The following MED13 variants were observed in gnomAD, a reference collection of about 807,000 sequenced individuals.
The protein encoded by MED13 is mediator of RNA polymerase II transcription subunit 13.
A neutral mutation model predicts 225.2 loss-of-function variants in MED13; 23 were observed. The observed-to-expected ratio is 0.10, with a 90% CI of 0.07 to 0.14. The LOEUF (loss-of-function observed/expected upper bound fraction) is 0.14. Ranked by LOEUF, MED13 falls within the 10% of genes least tolerant of loss-of-function variation. MED13 has a pLI of 1.00. For synonymous variants in MED13, 942 were observed against 889.2 expected, an observed-to-expected ratio of 1.06 and a Z score of -1.06; for missense variants, 2,197 against 2,594.5, an observed-to-expected ratio of 0.85 and a Z score of 3.33.
chr17:61,964,532 T>G (rs1477182712), intron 20 of MED13, among the ~76,000 whole-genome samples: 1 of 151,958 alleles, frequency 6.6e-6, no homozygotes, highest in African/African-American at 2.4e-5. Flanking sequence ...GCCACTATAC[T>G]CCAGCCTGGG....
At chr17:62,018,629 G>C (rs943288760) in intron 8 of MED13, among the ~76,000 whole-genome samples, 1 of 151,732 alleles carries the variant, frequency 6.6e-6, no homozygotes, top group Non-Finnish European at 1.5e-5. Flanking sequence ...CACGAAAATC[G>C]CTCGAGCCAG....
intron 9 of MED13, among the ~76,000 whole-genome samples, chr17:61,996,373 G>A (rs2080346942): frequency 1.3e-5 from 2 of 152,168 alleles, no homozygotes; most frequent in African/African-American, 4.8e-5. Flanking sequence ...TAGCAGCCAA[G>A]CTTGCAGTCA....
chr17:61,970,108 T>TA (rs1164046989), intron 17 of MED13, among the ~76,000 whole-genome samples: 11 of 152,214 alleles, frequency 7.2e-5, no homozygotes, highest in African/African-American at 2.7e-4. Context: ...TCTTTGCATG[T>TA]ACTAACTCAT....
At chr17:62,051,649 A>G (rs1483254805) in intron 3 of MED13, among the ~76,000 whole-genome samples, 3 of 152,176 alleles carry the variant, frequency 2.0e-5, no homozygotes, top group African/African-American at 7.2e-5. Context: ...CAAACAAACA[A>G]AAACTCCAGG....
chr17:62,035,695 A>ATTTT, intron 3 of MED13, 87 bp from the exon 4 acceptor site: 1 of 1,335,498 alleles, frequency 7.5e-7, no homozygotes, highest in Non-Finnish European at 1.0e-6. Flanking sequence ...GTATGCAAAA[A>ATTTT]TGCATACCCT....
chr17:62,034,509 G>T (rs1246945495), intron 4 of MED13, among the ~76,000 whole-genome samples: 4 of 146,324 alleles, frequency 2.7e-5, no homozygotes, highest in Admixed American at 6.8e-5. Flanking sequence ...AAAAAAAATT[G>T]TCTGCCCAAA....
chr17:61,971,472 AT>A (rs1199193014), intron 17 of MED13, among the ~76,000 whole-genome samples: 2 of 151,802 alleles, frequency 1.3e-5, no homozygotes, highest in African/African-American at 4.8e-5. Flanking sequence ...CTTATTTTGT[AT>A]TTTTAGTAGA....
Position 62,018,577 on chromosome 17 carries a change from GGT to G in MED13, c.1284-7346_1284-7345del, listed in dbSNP as rs538813477. On this transcript the variant is annotated intron_variant, in intron 8 of 29. Transcript: ENST00000397786. The stretch of plus-strand genomic sequence containing the variant: ...CACACACAAAAAGTTAGCTGGGCGT[GGT>G]GGCGCATGCCTGTAGTCCCAGCTAC... Among the ~76,000 whole-genome samples the G allele has an allele frequency of 3.2e-4, 48 of 152,192 alleles. No individual in the cohort carries two copies. In the South Asian group the frequency reaches 9.9e-3, roughly 32 times the overall value.
intron 17 of MED13, among the ~76,000 whole-genome samples, chr17:61,970,575 G>A (rs145053036): frequency 6.0e-5 from 9 of 150,118 alleles, no homozygotes; most frequent in Non-Finnish European, 3.0e-5. Context: ...CCAGCTACTC[G>A]TGAGGCTGAT....
intron 9 of MED13, chr17:62,004,897 C>CTTTTTT (rs551492644): frequency 7.8e-6 from 1 of 128,550 alleles, no homozygotes; most frequent in Non-Finnish European, 1.6e-5. Context: ...ACATCATTTA[C>CTTTTTT]TTTTTTTTTT....
intron 9 of MED13, among the ~76,000 whole-genome samples, chr17:62,008,684 G>A (rs1006365570): frequency 1.3e-5 from 2 of 151,274 alleles, no homozygotes; most frequent in Non-Finnish European, 2.9e-5. Flanking sequence ...TCTTCCCCCC[G>A]CCGCCCCCTC....
Position 61,965,452 on chromosome 17 carries a change from G to A in MED13, c.4398C>T (p.Ser1466=), listed in dbSNP as rs2080049166. Reference sequence around the variant, plus strand: ...AAAGTAGAGAGCTGTCCAATGGCAGGGAAGCAAGATAAGGACCTAAAGAAT... The same window carrying A: ...AAAGTAGAGAGCTGTCCAATGGCAGAGAAGCAAGATAAGGACCTAAAGAAT... The part of the protein sequence containing the change: ...CRYDLGPYLA[S]LPLDSSLLSQ... Residue 1466 remains serine, a synonymous_variant, in exon 20 of 30, where the codon TCC becomes TCT. Transcript: ENST00000397786. 3.1e-6 allele frequency: 5 copies of A among 1,613,018 alleles called. No individual in the cohort carries two copies. Among genetic ancestry groups the A allele is most frequent in the Non-Finnish European group, 4.2e-6 (5 of 1,179,358 alleles).
Position 61,984,664 on chromosome 17 carries a change from G to C in MED13, c.2678C>G (p.Pro893Arg). 6.2e-7 allele frequency: 1 copy of C among 1,607,606 alleles called. No individual in the cohort carries two copies. The highest frequency in any genetic ancestry group is 8.5e-7 in the Non-Finnish European group (1 of 1,177,170). The change falls in exon 14 of 30, where the codon CCT becomes CGT. Residue 893 changes from proline (P) to arginine (R), a missense_variant. Around this residue, in one of 12 missense-constraint regions of MED13, gnomAD observed 160 missense variants for 184.8 expected, o/e 0.87. Coordinates refer to ENST00000397786, the MANE Select transcript of MED13 (RefSeq NM_005121.3). Reference protein sequence around the residue: ...EVDEGFCSPKPSEIKDFSYVY... With the variant: ...EVDEGFCSPKRSEIKDFSYVY... ...AAACATACTTACTTTAATTTCAGAA[G>C]GTTTGGGGCTACAGAATCCCTCATC...
intron 8 of MED13, among the ~76,000 whole-genome samples, chr17:62,013,581 T>C (rs1298697763): frequency 6.6e-6 from 1 of 151,760 alleles, no homozygotes; most frequent in African/African-American, 2.4e-5. Context: ...TTACTTGATG[T>C]TTAAGCATGA....
rs772554913 is a variant in MED13, at chr17:61,956,485, T to C, written c.5481-4A>G. The C allele has an allele frequency of 6.3e-7, 1 of 1,599,814 alleles. No individual in the cohort carries two copies. The highest frequency in any genetic ancestry group is 8.5e-7 in the Non-Finnish European group (1 of 1,176,404). ...AGAACTTTTTTTCCGACGAGCCCTA[T>C]TGTGTGAATAAAGAGAGTGTCATAA... On this transcript the variant is annotated splice_region_variant and splice_polypyrimidine_tract_variant and intron_variant, in intron 23 of 29. Coordinates refer to ENST00000397786, the MANE Select transcript of MED13 (RefSeq NM_005121.3).
chr17:62,001,061 C>T (rs574493438), intron 9 of MED13, among the ~76,000 whole-genome samples: 1 of 152,060 alleles, frequency 6.6e-6, no homozygotes, highest in Non-Finnish European at 1.5e-5. Context: ...TGCGCCCAGC[C>T]TAGGTATTTC....
At chr17:62,061,224 T>TA (rs2081036502) in intron 2 of MED13, among the ~76,000 whole-genome samples, 1 of 152,122 alleles carries the variant, frequency 6.6e-6, no homozygotes, top group Non-Finnish European at 1.5e-5. Flanking sequence ...TTTTTTCTAT[T>TA]ACGGTAAAAC....
At chr17:62,038,327 G>C (rs1170673570) in intron 3 of MED13, among the ~76,000 whole-genome samples, 1 of 152,080 alleles carries the variant, frequency 6.6e-6, no homozygotes, top group East Asian at 1.9e-4. Context: ...ATCTGAGCCT[G>C]AGAGGTTGAG....
intron 20 of MED13, 38 bp from the exon 21 acceptor site, chr17:61,963,009 T>C: frequency 6.3e-7 from 1 of 1,576,102 alleles, no homozygotes; most frequent in Admixed American, 1.7e-5. Context: ...AAAGTTGTAC[T>C]GTATATGCTT....
Sources: gnomAD v4.1 joint callset for allele counts (sites outside exome capture counted in the v4.1 genomes callset) on GRCh38, gnomAD v4.1.1 for gene constraint, gnomAD v4.1.1 regional missense constraint, MANE v1.5 for transcripts, NCBI Gene and HGNC (gene_info 2026-07-23, HGNC 2026-07-21) for gene names.